Variants in AGBL4 observed in about 807,000 individuals in gnomAD.
AGBL4 encodes cytosolic carboxypeptidase 6.
In AGBL4, 58 loss-of-function variants were observed where a neutral mutation model predicts 66.4. That is an observed-to-expected ratio of 0.87 (90% CI 0.71 to 1.09). AGBL4 has a LOEUF of 1.09. AGBL4 is among the 50% of genes least tolerant of loss of function. The pLI is 0.00. For missense variants in AGBL4, 579 were observed against 631.0 expected (o/e 0.92, Z 0.88); for synonymous variants, 234 against 222.9 (o/e 1.05, Z -0.44).
chr1:48,729,121 C>T (rs138544046), intron 6 of AGBL4, among the ~76,000 whole-genome samples: 91 of 152,140 alleles, frequency 6.0e-4, no homozygotes, highest in Non-Finnish European at 1.0e-3. Flanking sequence ...TTTTTTAATG[C>T]TGCCATGAGG....
intron 2 of AGBL4, among the ~76,000 whole-genome samples, chr1:49,777,073 G>C (rs1644215783): frequency 6.6e-6 from 1 of 152,132 alleles, no homozygotes; most frequent in South Asian, 2.1e-4. Context: ...AAAAGTGTTT[G>C]AAAATAGCAT....
chr1:49,107,497 A>T (rs1206911170), intron 4 of AGBL4, among the ~76,000 whole-genome samples: 1 of 152,168 alleles, frequency 6.6e-6, no homozygotes, highest in Non-Finnish European at 1.5e-5. Flanking sequence ...ATGGTTAAAG[A>T]TGTCTTAAGA....
At chr1:48,791,107 C>G (rs1645539544) in intron 6 of AGBL4, among the ~76,000 whole-genome samples, 1 of 152,066 alleles carries the variant, frequency 6.6e-6, no homozygotes, top group Non-Finnish European at 1.5e-5. Flanking sequence ...ATTATAGCAG[C>G]ACAAAACTGA....
intron 6 of AGBL4, among the ~76,000 whole-genome samples, chr1:48,841,779 T>C (rs1028658387): frequency 1.3e-5 from 2 of 152,080 alleles, no homozygotes; most frequent in Admixed American, 6.6e-5. Context: ...AATCATGCAC[T>C]AGCAGAGTCT....
intron 3 of AGBL4, among the ~76,000 whole-genome samples, chr1:49,372,605 CTTTT>C (rs747942818): frequency 7.8e-5 from 11 of 141,538 alleles, no homozygotes; most frequent in African/African-American, 2.6e-4. Flanking sequence ...TTTTCTTTTT[CTTTT>C]TCTTTCTTTC....
chr1:49,743,006 C>A (rs371314692), intron 2 of AGBL4, among the ~76,000 whole-genome samples: 2 of 152,150 alleles, frequency 1.3e-5, no homozygotes, highest in Non-Finnish European at 2.9e-5. Context: ...GACTTCATGT[C>A]TAAAACACCA....
intron 5 of AGBL4, among the ~76,000 whole-genome samples, chr1:48,957,173 T>C (rs1657521087): frequency 6.6e-6 from 1 of 152,182 alleles, no homozygotes; most frequent in Non-Finnish European, 1.5e-5. Flanking sequence ...TTATTACATA[T>C]ATATGTACCT....
chr1:49,557,236 G>A (rs1469064010), intron 3 of AGBL4, among the ~76,000 whole-genome samples: 2 of 152,130 alleles, frequency 1.3e-5, no homozygotes, highest in African/African-American at 2.4e-5. Context: ...GAGAGCGAGC[G>A]AGGGCTGCTA....
intron 3 of AGBL4, among the ~76,000 whole-genome samples, chr1:49,575,801 A>G (rs543994451): frequency 6.6e-6 from 1 of 152,346 alleles, no homozygotes; most frequent in East Asian, 1.9e-4. Context: ...TTCAGCTGCA[A>G]GGCCAGCAAT....
At chr1:49,910,713 C>T (rs914126036) in intron 1 of AGBL4, among the ~76,000 whole-genome samples, 6 of 151,776 alleles carry the variant, frequency 4.0e-5, no homozygotes, top group Non-Finnish European at 7.4e-5. Context: ...CGGTGGCTCA[C>T]GCCTGTAATC....
At chr1:50,011,956 G>A (rs971902038) in intron 1 of AGBL4, among the ~76,000 whole-genome samples, 3 of 151,980 alleles carry the variant, frequency 2.0e-5, no homozygotes, top group Non-Finnish European at 4.4e-5. Context: ...TCAGGAGATC[G>A]AGACCATCCT....
chr1:48,867,577 G>A (rs1436943366), intron 5 of AGBL4, among the ~76,000 whole-genome samples: 6 of 152,078 alleles, frequency 3.9e-5, no homozygotes, highest in Non-Finnish European at 5.9e-5. Flanking sequence ...TCATTCTTCT[G>A]TACCAGATAG....
chr1:48,621,137 C>G (rs1474761499), intron 9 of AGBL4, among the ~76,000 whole-genome samples: 3 of 151,954 alleles, frequency 2.0e-5, no homozygotes, highest in African/African-American at 7.3e-5. Flanking sequence ...ATTGTACTTA[C>G]AAAGAGGGTG....
In AGBL4 at chr1:49,723,410, G is replaced by A. The variant is rs568930562; in HGVS notation, c.158-25973C>T. On this transcript the variant is annotated intron_variant, in intron 2 of 13. Coordinates refer to ENST00000371839, the MANE Select transcript of AGBL4 (RefSeq NM_032785.4). ...CCTATACTCCCTTTTCTGCCACCTA[G>A]AGAATAAAATGCAAAATCAGCCTGC... 2.2e-3 allele frequency among the ~76,000 whole-genome samples: 331 copies of A among 152,074 alleles called. 1 individual carries two copies. Among genetic ancestry groups the A allele is most frequent in the African/African-American group, 7.3e-3 (301 of 41,502 alleles).
At chr1:49,431,633 T>A (rs1645788649) in intron 3 of AGBL4, among the ~76,000 whole-genome samples, 1 of 152,186 alleles carries the variant, frequency 6.6e-6, no homozygotes, top group Admixed American at 6.5e-5. Flanking sequence ...ATTGTACATT[T>A]TGCTGTAATC....
chr1:49,514,961 C>G (rs1649644334), intron 3 of AGBL4, among the ~76,000 whole-genome samples: 1 of 152,102 alleles, frequency 6.6e-6, no homozygotes. Flanking sequence ...CAATACCATT[C>G]AGGACACAGG....
At chr1:49,219,011 T>C (rs977703884) in intron 4 of AGBL4, among the ~76,000 whole-genome samples, 2 of 152,124 alleles carry the variant, frequency 1.3e-5, no homozygotes, top group Non-Finnish European at 1.5e-5. Flanking sequence ...TTTTACTTTA[T>C]AAATTACCCA....
chr1:49,917,534 C>G (rs1034441156), intron 1 of AGBL4, among the ~76,000 whole-genome samples: 1 of 152,154 alleles, frequency 6.6e-6, no homozygotes, highest in Non-Finnish European at 1.5e-5. Flanking sequence ...GAAGAGCTAA[C>G]TATCCTAAAT....
intron 3 of AGBL4, among the ~76,000 whole-genome samples, chr1:49,419,666 A>T (rs1209457166): frequency 2.6e-5 from 4 of 152,208 alleles, no homozygotes; most frequent in Admixed American, 2.6e-4. Context: ...CCAATGGACA[A>T]AATAAACAGA....
Sources: allele counts gnomAD v4.1 joint callset (sites outside exome capture counted in the v4.1 genomes callset), GRCh38; gene constraint gnomAD v4.1.1; transcripts MANE v1.5; gene names NCBI Gene and HGNC (gene_info 2026-07-23, HGNC 2026-07-21).